DDX60: variants seen among roughly 807,000 people sequenced by gnomAD.
The protein encoded by DDX60 is DExD/H-box helicase 60, also known as probable ATP-dependent RNA helicase DDX60.
A neutral mutation model predicts 212.8 loss-of-function variants in DDX60; 165 were observed. That is an observed-to-expected ratio of 0.78 (90% confidence interval 0.68 to 0.88). DDX60 has a LOEUF of 0.88. DDX60 is among the 40% of genes least tolerant of loss of function. DDX60 has a pLI of 0.00. For missense variants in DDX60, 1,905 were observed against 2,003.9 expected, an observed-to-expected ratio of 0.95 and a Z score of 0.94; for synonymous variants, 703 against 685.3, an observed-to-expected ratio of 1.03 and a Z score of -0.40.
Position 168,311,306 on chromosome 4 carries a change from G to T in DDX60, c.-47C>A. 1 of 1,609,532 alleles carries T rather than the reference G, an allele frequency of 6.2e-7. No individual in the cohort carries two copies. Among genetic ancestry groups the T allele is most frequent in the South Asian group, 1.1e-5 (1 of 90,336 alleles). On this transcript the variant is annotated 5_prime_UTR_variant, in exon 2 of 38. Coordinates refer to ENST00000393743, the MANE Select transcript of DDX60 (RefSeq NM_017631.6). Reference sequence around the variant, plus strand: ...CAACCTGAACTGGCAAGTATTAAAGGTAGCAAATACCCTTTATTTTGGTAC... The same window carrying T: ...CAACCTGAACTGGCAAGTATTAAAGTTAGCAAATACCCTTTATTTTGGTAC...
chr4:168,292,049 C>CTTTCTTTT (rs58664687), intron 7 of DDX60, 143 bp from the exon 8 acceptor site: 21 of 303,574 alleles, frequency 6.9e-5, no homozygotes, highest in African/African-American at 4.9e-4. Context: ...TTCTTTCTTT[C>CTTTCTTTT]TTTTTTTTTT....
chr4:168,306,922 G>C (rs372878555), intron 4 of DDX60, among the ~76,000 whole-genome samples: 1 of 152,182 alleles, frequency 6.6e-6, no homozygotes, highest in Non-Finnish European at 1.5e-5. Flanking sequence ...AAATGCATGT[G>C]TCTCCTTTAA....
intron 1 of DDX60, among the ~76,000 whole-genome samples, chr4:168,315,510 C>A (rs139115493): frequency 2.2e-3 from 339 of 152,264 alleles, no homozygotes; most frequent in African/African-American, 7.4e-3. Flanking sequence ...CTGCACCTAT[C>A]AACCCGTCAT....
intron 28 of DDX60, among the ~76,000 whole-genome samples, chr4:168,248,663 C>T (rs935918920): frequency 9.2e-5 from 14 of 152,124 alleles, no homozygotes; most frequent in African/African-American, 3.4e-4. Flanking sequence ...AATAATATTA[C>T]TTGTTTGTTC....
intron 26 of DDX60, among the ~76,000 whole-genome samples, chr4:168,253,861 A>G (rs545359824): frequency 1.3e-5 from 2 of 152,248 alleles, no homozygotes; most frequent in African/African-American, 4.8e-5. Flanking sequence ...TCACCCCTCA[A>G]TGTAACATGC....
chr4:168,284,982 T>C (rs1325473456), intron 11 of DDX60, 47 bp from the exon 12 acceptor site: 1 of 908,478 alleles, frequency 1.1e-6, no homozygotes, highest in Admixed American at 2.2e-5. Context: ...CTTCCAAATA[T>C]AACACAGCAC....
intron 25 of DDX60, among the ~76,000 whole-genome samples, chr4:168,259,828 T>C (rs558972568): frequency 3.9e-5 from 6 of 152,058 alleles, no homozygotes; most frequent in Admixed American, 1.3e-4. Flanking sequence ...ATCAGAGTTC[T>C]CATTACTATA....
At position 168,288,154 on chromosome 4, in the gene DDX60, A is replaced by G; in HGVS notation, c.1183+20T>C. ...TTTATCTGTGGATGGAAGTATGATT[A>G]TAATATACTGAGATGGTACCTTTTA... On this transcript the variant is annotated intron_variant, in intron 9 of 37. Transcript: ENST00000393743. 7.1e-7 allele frequency: 1 copy of G among 1,402,662 alleles called. No individual in the cohort carries two copies. Among genetic ancestry groups the G allele is most frequent in the Non-Finnish European group, 9.6e-7 (1 of 1,037,304 alleles). 86.9% of individuals were successfully genotyped at this position (1,402,662 alleles called of 1,614,324 possible). A position where few individuals can be genotyped will look rare whatever the true frequency, so the allele number is the denominator to read the frequency against.
chr4:168,244,035 A>G (rs1444516725), intron 30 of DDX60, among the ~76,000 whole-genome samples: 1 of 152,230 alleles, frequency 6.6e-6, no homozygotes, highest in East Asian at 1.9e-4. Context: ...GTTCTCACTT[A>G]TAAGTGGGAG....
chr4:168,250,737 G>T (rs192793886), intron 28 of DDX60, among the ~76,000 whole-genome samples: 16 of 151,830 alleles, frequency 1.1e-4, no homozygotes, highest in African/African-American at 3.9e-4. Context: ...TGTTGGCCAG[G>T]CTGGTCTCGA....
At chr4:168,236,223 C>T (rs1273972203) in intron 33 of DDX60, 29 bp downstream of exon 33, 7 of 1,600,840 alleles carry the variant, frequency 4.4e-6, no homozygotes, top group South Asian at 2.3e-5. Context: ...TTTTACATTA[C>T]TAAATTTTAT....
In DDX60 at chr4:168,287,198, G is replaced by C. The variant is rs376724286; in HGVS notation, c.1189C>G (p.His397Asp). ...ATAATGGTATCTCCCAAATTCAAATGTAGGCCTACATAACAATTAAAAACA... is the reference window on the plus strand; with the variant it reads ...ATAATGGTATCTCCCAAATTCAAATCTAGGCCTACATAACAATTAAAAACA... ...YYENENVKGLHLNLGDTIMKD... is the reference protein window; with the variant it reads ...YYENENVKGLDLNLGDTIMKD... Residue 397 changes from histidine (H) to aspartate (D), a missense_variant, in exon 10 of 38, where the codon CAT becomes GAT. Physicochemically the swap from His to Asp is moderately conservative, Grantham distance 81. Coordinates refer to ENST00000393743, the MANE Select transcript of DDX60 (RefSeq NM_017631.6). 6.2e-5 allele frequency: 99 copies of C among 1,605,198 alleles called. 2 individuals carry two copies. In the East Asian group the frequency reaches 8.1e-4, roughly 13 times the overall value.
At chr4:168,282,638 A>G (rs1560855201) in intron 13 of DDX60, among the ~76,000 whole-genome samples, 1 of 152,112 alleles carries the variant, frequency 6.6e-6, no homozygotes, top group Non-Finnish European at 1.5e-5. Flanking sequence ...AATTAATGCC[A>G]TTTCCAAAAC....
chr4:168,311,359 G>A lies in DDX60; in HGVS notation c.-100C>T, dbSNP rs977111376. 2.3e-5 allele frequency: 29 copies of A among 1,253,344 alleles called. No individual in the cohort carries two copies. Among genetic ancestry groups the A allele is most frequent in the African/African-American group, 3.0e-5 (2 of 66,002 alleles). 77.6% of individuals were successfully genotyped at this position (1,253,344 alleles called of 1,614,324 possible). ...CTAAGTGGCAGTTCTTAATGAAAAT[G>A]GCAGTCCTGCAAAAAAAGAAAAGAA... On this transcript the variant is annotated 5_prime_UTR_variant, in exon 2 of 38. Transcript: ENST00000393743.
At chr4:168,271,864 C>A (rs932338306) in intron 19 of DDX60, among the ~76,000 whole-genome samples, 179 bp downstream of exon 19, 1 of 151,698 alleles carries the variant, frequency 6.6e-6, no homozygotes, top group African/African-American at 2.4e-5. Context: ...TATTGAGTCA[C>A]AACAGGAAAA....
chr4:168,269,741 G>A (rs1393613090), intron 19 of DDX60, among the ~76,000 whole-genome samples: 1 of 152,170 alleles, frequency 6.6e-6, no homozygotes, highest in African/African-American at 2.4e-5. Context: ...GGCCGCTGCT[G>A]CCTCTCTGGC....
chr4:168,272,231 T>C (rs1735133537), intron 18 of DDX60, 93 bp from the exon 19 acceptor site: 1 of 922,026 alleles, frequency 1.1e-6, no homozygotes, highest in Non-Finnish European at 1.7e-6. Context: ...TTATGAGTCC[T>C]GAATGTACCT....
chr4:168,266,704 T>C (rs563369739), intron 22 of DDX60, among the ~76,000 whole-genome samples: 68 of 152,338 alleles, frequency 4.5e-4, no homozygotes, highest in Admixed American at 1.3e-3. Flanking sequence ...AGGTCATAGA[T>C]GACCTTGGTT....
intron 6 of DDX60, among the ~76,000 whole-genome samples, chr4:168,295,531 C>T (rs1044422554): frequency 2.6e-5 from 4 of 152,220 alleles, no homozygotes; most frequent in African/African-American, 9.6e-5. Flanking sequence ...TGTCACTTTA[C>T]ATTTTTTGTC....
Sources: allele counts gnomAD v4.1 joint callset (sites outside exome capture counted in the v4.1 genomes callset), GRCh38; gene constraint gnomAD v4.1.1; transcripts MANE v1.5; gene names NCBI Gene and HGNC (gene_info 2026-07-23, HGNC 2026-07-21).